Variants in C13orf42 observed in about 807,000 individuals in gnomAD.
C13orf42 encodes uncharacterized protein C13orf42.
intron 1 of C13orf42, among the ~76,000 whole-genome samples, chr13:51,152,215 G>A (rs1228313256): frequency 6.6e-6 from 1 of 152,236 alleles, no homozygotes; most frequent in East Asian, 1.9e-4. Context: ...TTAGAACGGT[G>A]CACTCCAGCT....
intron 1 of C13orf42, among the ~76,000 whole-genome samples, chr13:51,161,446 T>C (rs1461316605): frequency 2.6e-5 from 4 of 151,900 alleles, no homozygotes; most frequent in African/African-American, 9.7e-5. Flanking sequence ...GTACTATGAG[T>C]GCCCTTTCAT....
intron 1 of C13orf42, among the ~76,000 whole-genome samples, chr13:51,105,862 G>A (rs9740995): frequency 0.012 from 1,823 of 152,194 alleles, 35 homozygotes; most frequent in African/African-American, 0.041. Context: ...TATGAGTTTC[G>A]ACATGATACA....
intron 1 of C13orf42, among the ~76,000 whole-genome samples, chr13:51,140,173 G>T (rs1048887870): frequency 6.6e-6 from 1 of 152,148 alleles, no homozygotes; most frequent in Non-Finnish European, 1.5e-5. Context: ...GTAACCACTT[G>T]TATATCACCC....
At chr13:51,106,238 C>T (rs1296413615) in intron 1 of C13orf42, among the ~76,000 whole-genome samples, 1 of 152,212 alleles carries the variant, frequency 6.6e-6, no homozygotes, top group African/African-American at 2.4e-5. Context: ...CACTTCCTTT[C>T]AGCCAGGTTT....
At chr13:51,124,113 T>C (rs1288599852) in intron 1 of C13orf42, among the ~76,000 whole-genome samples, 4 of 152,144 alleles carry the variant, frequency 2.6e-5, no homozygotes, top group Non-Finnish European at 5.9e-5. Flanking sequence ...TTCTAACAAC[T>C]GAATAACCCC....
chr13:51,126,099 G>A (rs924484872), intron 1 of C13orf42, among the ~76,000 whole-genome samples: 9 of 152,176 alleles, frequency 5.9e-5, no homozygotes, highest in Admixed American at 2.6e-4. Flanking sequence ...GTGTGTGGCC[G>A]GGTGGATGTA....
chr13:51,115,442 C>T (rs779652066), upstream of C13orf42, among the ~76,000 whole-genome samples: 5 of 152,194 alleles, frequency 3.3e-5, no homozygotes, highest in Non-Finnish European at 7.3e-5. Context: ...CAGTTGGGGA[C>T]GTTGCCTCGT....
intron 1 of C13orf42, among the ~76,000 whole-genome samples, chr13:51,098,068 A>G (rs1294160706): frequency 1.3e-5 from 2 of 152,136 alleles, no homozygotes; most frequent in Non-Finnish European, 1.5e-5. Flanking sequence ...GCACTTTCCA[A>G]ACAAAACTCC....
At chr13:51,095,470 A>G (rs1953223562) in intron 1 of C13orf42, among the ~76,000 whole-genome samples, 5 of 151,336 alleles carry the variant, frequency 3.3e-5, no homozygotes, top group Non-Finnish European at 1.5e-5. Context: ...AGCTATACTT[A>G]TATTAGACCC....
At chr13:51,130,514 T>C (rs1448945159) in intron 1 of C13orf42, among the ~76,000 whole-genome samples, 2 of 152,192 alleles carry the variant, frequency 1.3e-5, no homozygotes, top group East Asian at 3.8e-4. Flanking sequence ...TCTGTGTACA[T>C]TGTAAAAGAA....
At chr13:51,106,313 G>C (rs902112187) in intron 1 of C13orf42, among the ~76,000 whole-genome samples, 2 of 152,124 alleles carry the variant, frequency 1.3e-5, no homozygotes, top group African/African-American at 4.8e-5. Flanking sequence ...CAGAATCCAC[G>C]TGCAGTATGA....
At chr13:51,119,618 TTGAAGACA>T (rs1414603914) in intron 1 of C13orf42, among the ~76,000 whole-genome samples, 1 of 152,216 alleles carries the variant, frequency 6.6e-6, no homozygotes, top group Non-Finnish European at 1.5e-5. Context: ...TGGATAAGCC[TTGAAGACA>T]TGATGCGACG....
At chr13:51,119,635 C>T (rs933650022) in intron 1 of C13orf42, among the ~76,000 whole-genome samples, 1 of 152,096 alleles carries the variant, frequency 6.6e-6, no homozygotes, top group Non-Finnish European at 1.5e-5. Context: ...CATGATGCGA[C>T]GTGAAATAAG....
intron 1 of C13orf42, among the ~76,000 whole-genome samples, chr13:51,137,091 C>G (rs1168203222): frequency 6.6e-6 from 1 of 152,126 alleles, no homozygotes; most frequent in East Asian, 1.9e-4. Flanking sequence ...GTGTGTGTGT[C>G]GCAGATCTAT....
intron 1 of C13orf42, among the ~76,000 whole-genome samples, chr13:51,088,672 C>G (rs773500821): frequency 6.6e-6 from 1 of 152,036 alleles, no homozygotes; most frequent in African/African-American, 2.4e-5. Context: ...AAATATATAC[C>G]TACTATGTAC....
intron 1 of C13orf42, among the ~76,000 whole-genome samples, chr13:51,161,427 C>T (rs987553848): frequency 6.6e-6 from 1 of 152,042 alleles, no homozygotes; most frequent in South Asian, 2.1e-4. Context: ...TAGTCAATTC[C>T]CAGAGATGGT....
At chr13:51,115,603 C>T (rs2138009183), upstream of C13orf42, among the ~76,000 whole-genome samples, 1 of 152,250 alleles carries the variant, frequency 6.6e-6, no homozygotes, top group African/African-American at 2.4e-5. Flanking sequence ...CTAGAAATCC[C>T]CTCGACCACT....
chr13:51,143,684 T>G (rs538167348), intron 1 of C13orf42, among the ~76,000 whole-genome samples: 10 of 152,286 alleles, frequency 6.6e-5, no homozygotes, highest in Middle Eastern at 6.8e-3. Context: ...TTTTGTAATA[T>G]CAAGTGTTTT....
At chr13:51,157,648 T>C (rs1419788512) in intron 1 of C13orf42, among the ~76,000 whole-genome samples, 1 of 152,092 alleles carries the variant, frequency 6.6e-6, no homozygotes, top group East Asian at 1.9e-4. Context: ...CGAGCCTTTG[T>C]TGAAACCCCC....
Sources: gnomAD v4.1 joint callset for allele counts (sites outside exome capture counted in the v4.1 genomes callset) on GRCh38, gnomAD v4.1.1 for gene constraint, MANE v1.5 for transcripts, NCBI Gene and HGNC (gene_info 2026-07-23, HGNC 2026-07-21) for gene names.